Variants in ARNT observed in about 807,000 individuals in gnomAD.
The protein encoded by ARNT is aryl hydrocarbon receptor nuclear translocator.
Under a neutral mutation model 105.0 loss-of-function variants are expected in ARNT, and 30 were observed. The ratio of observed to expected loss-of-function variants is 0.29; its 90% confidence interval spans 0.21 to 0.39. The LOEUF is 0.39. ARNT is among the 10% of genes least tolerant of loss of function. The pLI is 1.00. For missense variants in ARNT, 748 were observed against 978.7 expected, an observed-to-expected ratio of 0.76 and a Z score of 3.15; for synonymous variants, 304 against 344.0, an observed-to-expected ratio of 0.88 and a Z score of 1.29.
intron 1 of ARNT, among the ~76,000 whole-genome samples, chr1:150,872,947 G>T (rs1667682191): frequency 6.6e-6 from 1 of 152,066 alleles, no homozygotes; most frequent in Non-Finnish European, 1.5e-5. Flanking sequence ...CAGTGACAGA[G>T]CAAGACCCTC....
In ARNT at chr1:150,846,590, T is replaced by A. The variant is rs587649839; in HGVS notation, c.183-283A>T. Among the ~76,000 whole-genome samples the A allele has an allele frequency of 2.8e-4, 42 of 152,252 alleles. No homozygotes were observed. In the East Asian group the frequency reaches 7.9e-3, roughly 29 times the overall value. Reference sequence around the variant, plus strand: ...CTGGCCTGTCAGCACAATTCTAAAGTAAGGGGTTAGTTTTGGGTTTTTTTT... The same window carrying A: ...CTGGCCTGTCAGCACAATTCTAAAGAAAGGGGTTAGTTTTGGGTTTTTTTT... On this transcript the variant is annotated intron_variant, in intron 3 of 21. Coordinates refer to ENST00000358595, the MANE Select transcript of ARNT (RefSeq NM_001668.4).
At chr1:150,841,125 T>A (rs1299911776) in intron 5 of ARNT, among the ~76,000 whole-genome samples, 4 of 150,930 alleles carry the variant, frequency 2.7e-5, no homozygotes, top group Non-Finnish European at 5.9e-5. Context: ...TTTTTTTTTT[T>A]ATTTTTAGTA....
chr1:150,851,138 C>T (rs1437927673), intron 3 of ARNT, among the ~76,000 whole-genome samples: 34 of 151,580 alleles, frequency 2.2e-4, no homozygotes, highest in Admixed American at 4.6e-4. Context: ...GCAGCCGCCC[C>T]GTCCGGGAGG....
At chr1:150,866,116 G>C (rs996766701) in intron 1 of ARNT, among the ~76,000 whole-genome samples, 1 of 151,810 alleles carries the variant, frequency 6.6e-6, no homozygotes, top group Non-Finnish European at 1.5e-5. Context: ...CCAAGTAGCT[G>C]GTACTACAGG....
intron 1 of ARNT, among the ~76,000 whole-genome samples, chr1:150,870,764 C>T (rs114550273): frequency 0.012 from 1,804 of 152,150 alleles, 43 homozygotes; most frequent in African/African-American, 0.042. Context: ...CTACATCAGC[C>T]TCCCAAAGTG....
intron 5 of ARNT, among the ~76,000 whole-genome samples, chr1:150,841,436 G>A (rs1001628183): frequency 1.1e-4 from 16 of 152,060 alleles, no homozygotes; most frequent in African/African-American, 3.6e-4. Flanking sequence ...CCAATACAAT[G>A]TTTTCTCCAC....
intron 13 of ARNT, among the ~76,000 whole-genome samples, chr1:150,826,197 G>A (rs1658218561): frequency 6.6e-6 from 1 of 152,174 alleles, no homozygotes; most frequent in South Asian, 2.1e-4. Flanking sequence ...TTATAGGCGT[G>A]AGCCACCATG....
At chr1:150,814,623 C>A (rs1411223120) in intron 19 of ARNT, among the ~76,000 whole-genome samples, 2 of 152,164 alleles carry the variant, frequency 1.3e-5, no homozygotes, top group Non-Finnish European at 2.9e-5. Flanking sequence ...AGGCAGACCA[C>A]CTGAGGTGAG....
At position 150,816,363 on chromosome 1, in the gene ARNT, C is replaced by A; in HGVS notation, c.1846G>T (p.Ala616Ser). 7.5e-6 allele frequency: 12 copies of A among 1,608,946 alleles called. No individual in the cohort carries two copies. Among genetic ancestry groups the A allele is most frequent in the Non-Finnish European group, 9.3e-6 (11 of 1,178,686 alleles). ...APPVTIVQPS[A>S]SAGQMLAQIS... Reference sequence around the variant, plus strand: ...TGGGCCAACATCTGTCCTGCAGAAGCTGATGGCTGGACAATGGTTACAGGA... The same window carrying A: ...TGGGCCAACATCTGTCCTGCAGAAGATGATGGCTGGACAATGGTTACAGGA... Residue 616 changes from alanine (A) to serine (S), a missense_variant, in exon 19 of 22, where the codon GCT becomes TCT. Ala to Ser is a moderately conservative substitution (Grantham distance 99, BLOSUM62 1). Coordinates refer to ENST00000358595, the MANE Select transcript of ARNT (RefSeq NM_001668.4).
intron 2 of ARNT, among the ~76,000 whole-genome samples, chr1:150,854,598 T>C (rs888132663): frequency 6.6e-6 from 1 of 151,966 alleles, no homozygotes; most frequent in Non-Finnish European, 1.5e-5. Context: ...GGCTCACATC[T>C]GCAATCCCAG....
chr1:150,816,330 G>A lies in ARNT; in HGVS notation c.1879C>T (p.Arg627Cys), dbSNP rs778430234. 95 of 1,607,752 alleles carry A rather than the reference G, an allele frequency of 5.9e-5. No homozygotes were observed. The highest frequency in any genetic ancestry group is 7.6e-5 in the Non-Finnish European group (90 of 1,178,176). Residue 627 changes from arginine to cysteine, a missense_variant, in exon 19 of 22, where the codon CGC becomes TGC. Coordinates refer to ENST00000358595, the MANE Select transcript of ARNT (RefSeq NM_001668.4). ...SAGQMLAQIS[R>C]HSNPTQGATP... ...GCTCCTTGGGTGGGGTTGGAGTGGC[G>A]GGAAATCTGGGCCAACATCTGTCCT...
chr1:150,819,085 C>T (rs1656535228), intron 14 of ARNT, among the ~76,000 whole-genome samples: 1 of 152,064 alleles, frequency 6.6e-6, no homozygotes, highest in African/African-American at 2.4e-5. Flanking sequence ...TTGGACAAAA[C>T]TTGTCACTAG....
At chr1:150,829,754 G>T in intron 11 of ARNT, 150 bp downstream of exon 11, 1 of 776,192 alleles carries the variant, frequency 1.3e-6, no homozygotes, top group Non-Finnish European at 2.0e-6. Flanking sequence ...GAATAGCAAT[G>T]GTCACTATAA....
Position 150,813,246 on chromosome 1 carries a change from G to A in ARNT, c.2206C>T (p.His736Tyr), listed in dbSNP as rs1466811153. 1 of 1,613,968 alleles carries A rather than the reference G, an allele frequency of 6.2e-7. No homozygotes were observed. Among genetic ancestry groups the A allele is most frequent in the Non-Finnish European group, 8.5e-7 (1 of 1,179,960 alleles). ...WPQWQGQQPH[H>Y]RSSSSEQHVQ... is the part of the protein sequence containing the mutation. ...TGTTGCTCACTAGAACTTGAACGAT[G>A]ATGAGGCTGCTGGCCCTGCCACTGT... Residue 736 changes from histidine (H) to tyrosine (Y), a missense_variant, in exon 21 of 22, where the codon CAT (histidine) becomes TAT (tyrosine). This residue lies in a region of ARNT where 360 missense variants were observed against 411.9 expected (regional missense o/e 0.87). Transcript: ENST00000358595.
intron 4 of ARNT, among the ~76,000 whole-genome samples, chr1:150,843,483 T>C (rs1398833797): frequency 6.6e-6 from 1 of 152,208 alleles, no homozygotes. Flanking sequence ...AATGTTTTTA[T>C]AAAATGGTCA....
At chr1:150,856,398 C>G (rs1246959439) in intron 2 of ARNT, among the ~76,000 whole-genome samples, 1 of 151,902 alleles carries the variant, frequency 6.6e-6, no homozygotes, top group Non-Finnish European at 1.5e-5. Flanking sequence ...TGAGATCACA[C>G]TACTGCACTC....
chr1:150,858,320 T>G (rs377688526), intron 2 of ARNT, 29 bp downstream of exon 2: 8 of 1,529,328 alleles, frequency 5.2e-6, no homozygotes, highest in South Asian at 1.2e-5. Flanking sequence ...ATAGGAGAGA[T>G]ATTCATAACA....
intron 1 of ARNT, chr1:150,861,252 G>C (rs1287692820): frequency 2.3e-6 from 1 of 426,272 alleles, no homozygotes; most frequent in South Asian, 1.7e-5. Context: ...CGCACCTGTA[G>C]TCCCAGCTAC....
intron 1 of ARNT, among the ~76,000 whole-genome samples, chr1:150,865,923 C>T (rs1281737101): frequency 6.6e-6 from 1 of 151,128 alleles, no homozygotes; most frequent in Non-Finnish European, 1.5e-5. Context: ...GTTTGCCTAG[C>T]TATGGAATTC....
Sources: gnomAD v4.1 joint callset for allele counts (sites outside exome capture counted in the v4.1 genomes callset) on GRCh38, gnomAD v4.1.1 for gene constraint, gnomAD v4.1.1 regional missense constraint, MANE v1.5 for transcripts, NCBI Gene and HGNC (gene_info 2026-07-23, HGNC 2026-07-21) for gene names.